Variants in FAM149A observed in about 807,000 individuals in gnomAD.
FAM149A encodes protein FAM149A.
Under a neutral mutation model 78.2 loss-of-function variants are expected in FAM149A, and 71 were observed. That is an observed-to-expected ratio of 0.91 (90% CI 0.75 to 1.11). FAM149A has a LOEUF of 1.11. Ranked by LOEUF, FAM149A falls within the 50% of genes least tolerant of loss-of-function variation. The pLI is 0.00. For synonymous variants in FAM149A, 446 were observed against 410.5 expected (o/e 1.09, Z -1.04); for missense variants, 1,036 against 971.0 (o/e 1.07, Z -0.89).
chr4:186,159,934 A>C (rs924508739), intron 8 of FAM149A, among the ~76,000 whole-genome samples: 13 of 150,360 alleles, frequency 8.6e-5, no homozygotes, highest in African/African-American at 3.2e-4. Flanking sequence ...CACACACACC[A>C]CACACAGACA....
chr4:186,123,277 T>C (rs979572090), intron 1 of FAM149A: 54 of 985,090 alleles, frequency 5.5e-5, no homozygotes, highest in Non-Finnish European at 5.7e-5. Flanking sequence ...CAAAGTATGG[T>C]TGTTAGTTTA....
At chr4:186,150,368 G>T (rs868142547) in intron 3 of FAM149A, among the ~76,000 whole-genome samples, 2,460 of 121,796 alleles carry the variant, frequency 0.02, 61 homozygotes, top group African/African-American at 0.057. Flanking sequence ...TTTTGTTGTT[G>T]TTGTTGTTGT....
chr4:186,150,130 TG>T (rs1397657991), intron 3 of FAM149A, among the ~76,000 whole-genome samples: 13 of 129,098 alleles, frequency 1.0e-4, no homozygotes, highest in South Asian at 2.6e-4. Context: ...CCCCTACCGC[TG>T]GGGGCGCTGT....
chr4:186,137,004 C>CTCTCTT (rs2099323571), intron 1 of FAM149A, among the ~76,000 whole-genome samples: 2 of 134,960 alleles, frequency 1.5e-5, no homozygotes, highest in African/African-American at 5.7e-5. Flanking sequence ...CTCTCTCTCT[C>CTCTCTT]TCTCTCTCTC....
At chr4:186,110,039 C>T (rs938379085) in intron 1 of FAM149A, 30 of 985,298 alleles carry the variant, frequency 3.0e-5, no homozygotes, top group Non-Finnish European at 3.4e-5. Flanking sequence ...TTGTCTTTTC[C>T]TCCACTGAAA....
chr4:186,129,618 G>A (rs537512131), intron 1 of FAM149A, among the ~76,000 whole-genome samples: 5 of 152,128 alleles, frequency 3.3e-5, no homozygotes, highest in Non-Finnish European at 5.9e-5. Context: ...GAGCAGCACC[G>A]GGGACTGAAA....
chr4:186,118,205 C>G, intron 1 of FAM149A: 1 of 985,432 alleles, frequency 1.0e-6, no homozygotes, highest in Non-Finnish European at 1.2e-6. Context: ...ACACACCACG[C>G]AAGATGGGAG....
chr4:186,168,655 C>T (rs1407863264), intron 13 of FAM149A, among the ~76,000 whole-genome samples: 2 of 152,178 alleles, frequency 1.3e-5, no homozygotes, highest in African/African-American at 4.8e-5. Flanking sequence ...TGCGCCCAGC[C>T]CAGGTGTTGC....
At chr4:186,158,077 T>A in intron 8 of FAM149A, 1 of 1,356,164 alleles carries the variant, frequency 7.4e-7, no homozygotes, top group Non-Finnish European at 9.7e-7. Flanking sequence ...AAGCTGCTGC[T>A]GGCAGCTCGT....
chr4:186,128,281 G>A (rs1715067), intron 1 of FAM149A, among the ~76,000 whole-genome samples: 52,692 of 151,614 alleles, frequency 0.35, 9,518 homozygotes, highest in Non-Finnish European at 0.39. Flanking sequence ...GAGTCACTGC[G>A]CCTGGCCAAT....
chr4:186,136,738 A>G (rs966685030), intron 1 of FAM149A, among the ~76,000 whole-genome samples: 2 of 152,108 alleles, frequency 1.3e-5, no homozygotes, highest in Non-Finnish European at 2.9e-5. Context: ...GCGTCTCTGT[A>G]TGATTTGTAG....
At position 186,174,152 on chromosome 4, in the gene FAM149A, G is replaced by A. The variant is rs958460360; in HGVS notation, c.*2165G>A. ...GTTGTTACATAGGTAAACTTGTGTC[G>A]TGGGAGTTTGTTGTACAGATTATCA... On this transcript the variant is annotated 3_prime_UTR_variant, in exon 14 of 14. Transcript: ENST00000389354. 1.6e-4 allele frequency among the ~76,000 whole-genome samples: 17 copies of A among 104,998 alleles called. 4 individuals carry two copies. Among genetic ancestry groups the A allele is most frequent in the South Asian group, 1.2e-3 (4 of 3,328 alleles). The allele number at this position is 104,998 out of a possible 152,430, so 68.9% of individuals were successfully genotyped here.
At chr4:186,160,740 C>T in intron 8 of FAM149A, 1 of 944,048 alleles carries the variant, frequency 1.1e-6, no homozygotes, top group Non-Finnish European at 1.3e-6. Context: ...ACACCCCACA[C>T]ACACCACACC....
chr4:186,150,388 G>T (rs532219913), intron 3 of FAM149A, among the ~76,000 whole-genome samples: 45,713 of 92,938 alleles, frequency 0.49, 9,181 homozygotes, highest in East Asian at 0.56. Flanking sequence ...TTTTTTGCTT[G>T]CTTGCTTTCT....
chr4:186,162,342 C>T (rs1734670726), intron 8 of FAM149A, among the ~76,000 whole-genome samples: 1 of 152,196 alleles, frequency 6.6e-6, no homozygotes, highest in Admixed American at 6.5e-5. Flanking sequence ...GCAAGCAGGA[C>T]AATGAGGAGC....
At position 186,149,247 on chromosome 4, in the gene FAM149A, C is replaced by T. The variant is rs1733283843; in HGVS notation, c.641C>T (p.Thr214Ile). 1 of 1,289,264 alleles carries T rather than the reference C, an allele frequency of 7.8e-7. No homozygotes were observed. Among genetic ancestry groups the T allele is most frequent in the Non-Finnish European group, 1.0e-6 (1 of 988,654 alleles). 79.9% of individuals were successfully genotyped at this position (1,289,264 alleles called of 1,614,324 possible). ...AAAGATTCTTTACCTACGCATTTTA[C>T]AAGAAATGTGCAGAAAGCCATTGAT... The change falls in exon 2 of 14, where the codon ACA (threonine) becomes ATA (isoleucine). Residue 214 changes from threonine to isoleucine, a missense_variant. Thr to Ile is a moderately conservative substitution (Grantham distance 89). This residue lies in a region of FAM149A where 716 missense variants were observed against 711.8 expected (regional missense o/e 1.01). Coordinates refer to ENST00000389354, the MANE Select transcript of FAM149A (RefSeq NM_001367768.3).
At position 186,166,888 on chromosome 4, in the gene FAM149A, G is replaced by A. The variant is rs188655304; in HGVS notation, c.2011-80G>A. 3,523 of 1,424,432 alleles carry A rather than the reference G, an allele frequency of 2.5e-3. 6 individuals are homozygous for A. The highest frequency in any genetic ancestry group is 3.2e-3 in the Non-Finnish European group (3,311 of 1,019,592). The allele number at this position is 1,424,432 out of a possible 1,614,324, so 88.2% of individuals were successfully genotyped here. On this transcript the variant is annotated intron_variant, in intron 11 of 13. Transcript: ENST00000389354. ...AAAGTTTCCAAATAGATGAGTGAAC[G>A]ATTGAGCATGTCGAGATTTTCTTTT... is the stretch of plus-strand genomic sequence containing the variant.
rs1311978497 is a variant in FAM149A, at chr4:186,111,540, A to G, written c.566+5898A>G. ...TTTTATGGTTTTAGGTCTAACGTTTAAGTCTTTAATCCATCTTGAATTGAT... is the reference window on the plus strand; with the variant it reads ...TTTTATGGTTTTAGGTCTAACGTTTGAGTCTTTAATCCATCTTGAATTGAT... On this transcript the variant is annotated intron_variant, in intron 1 of 13. Coordinates refer to ENST00000389354, the MANE Select transcript of FAM149A (RefSeq NM_001367768.3). Among the ~76,000 whole-genome samples the G allele has an allele frequency of 4.8e-3, 730 of 151,392 alleles. 3 individuals are homozygous for G. The highest frequency in any genetic ancestry group is 0.017 in the African/African-American group (694 of 40,758).
rs1380623461 is a variant in FAM149A at position 186,144,977 on chromosome 4, C to G, written c.567-4196C>G. 16 of 975,718 alleles carry G rather than the reference C, an allele frequency of 1.6e-5. No individual in the cohort carries two copies. In the African/African-American group the frequency reaches 2.7e-4, roughly 17 times the overall value. The allele number at this position is 975,718 out of a possible 1,614,324, so 60.4% of individuals were successfully genotyped here. A position where few individuals can be genotyped will look rare whatever the true frequency, so the allele number is the denominator to read the frequency against. On this transcript the variant is annotated intron_variant, in intron 1 of 13. Coordinates refer to ENST00000389354, the MANE Select transcript of FAM149A (RefSeq NM_001367768.3). This position sits in a 1 kb window ranked among gnomAD's most constrained non-coding sequence, Gnocchi z 4.2. ...GGCGCGGGCGGGTGGGGAGCCCCAG[C>G]CCCGGGGCCGCGGGGGCGCGTGACC...
Sources: allele counts gnomAD v4.1 joint callset (sites outside exome capture counted in the v4.1 genomes callset), GRCh38; gene constraint gnomAD v4.1.1; regional missense constraint gnomAD v4.1.1; non-coding constraint Gnocchi (gnomAD v3.1); transcripts MANE v1.5; gene names NCBI Gene and HGNC (gene_info 2026-07-23, HGNC 2026-07-21).